SLC35F4: variants seen among roughly 807,000 people sequenced by gnomAD.
The protein encoded by SLC35F4 is chromosome 14 open reading frame 36.
SLC35F4 carries 24 observed loss-of-function variants against 44.2 expected under a neutral mutation model. The ratio of observed to expected loss-of-function variants is 0.54; its 90% CI spans 0.39 to 0.76. The LOEUF is 0.76. SLC35F4 is among the 30% of genes least tolerant of loss of function. The probability of loss-of-function intolerance (pLI) is 0.00; values close to 1 mark genes in which losing one functional copy is unlikely to be tolerated. For missense variants in SLC35F4, 562 were observed against 586.1 expected, an observed-to-expected ratio of 0.96 and a Z score of 0.42; for synonymous variants, 238 against 223.6, an observed-to-expected ratio of 1.06 and a Z score of -0.57.
chr14:57,862,047 G>A (rs568781640), intron 1 of SLC35F4, among the ~76,000 whole-genome samples: 14 of 152,074 alleles, frequency 9.2e-5, no homozygotes, highest in East Asian at 3.9e-4. Context: ...TCTCTAAAAC[G>A]TTATCCTTAT....
intron 1 of SLC35F4, among the ~76,000 whole-genome samples, chr14:57,841,572 C>G (rs1472241953): frequency 6.6e-6 from 1 of 152,166 alleles, no homozygotes; most frequent in African/African-American, 2.4e-5. Context: ...GATGGGCTAA[C>G]AGGGTACTGA....
chr14:57,590,078 T>C (rs2070062366), intron 2 of SLC35F4, among the ~76,000 whole-genome samples: 1 of 124,796 alleles, frequency 8.0e-6, no homozygotes, highest in South Asian at 2.9e-4. Context: ...TCCATTTTCC[T>C]TTTTTTTTTT....
intron 1 of SLC35F4, among the ~76,000 whole-genome samples, chr14:57,695,339 C>T (rs1269330838): frequency 6.6e-6 from 1 of 151,540 alleles, no homozygotes; most frequent in Non-Finnish European, 1.5e-5. Context: ...AAACAAACAA[C>T]CCCATCAAAA....
At chr14:57,663,150 C>CT (rs1438308402) in intron 1 of SLC35F4, among the ~76,000 whole-genome samples, 1 of 152,184 alleles carries the variant, frequency 6.6e-6, no homozygotes, top group Non-Finnish European at 1.5e-5. Context: ...TCAATTGCCC[C>CT]TTTGAGTGTG....
intron 1 of SLC35F4, among the ~76,000 whole-genome samples, chr14:57,723,627 C>T (rs1377320754): frequency 6.6e-6 from 1 of 152,250 alleles, no homozygotes; most frequent in Non-Finnish European, 1.5e-5. Flanking sequence ...ATTGACATGG[C>T]AAATGCCTTT....
chr14:57,733,486 A>AAG (rs2076394645), intron 1 of SLC35F4, among the ~76,000 whole-genome samples: 1 of 152,036 alleles, frequency 6.6e-6, no homozygotes, highest in African/African-American at 2.4e-5. Flanking sequence ...TAGCCAGAAA[A>AAG]AGCTTTTTTT....
At chr14:57,788,878 CATG>C (rs2077837228) in intron 1 of SLC35F4, among the ~76,000 whole-genome samples, 1 of 152,188 alleles carries the variant, frequency 6.6e-6, no homozygotes, top group South Asian at 2.1e-4. Context: ...CGCACAACTA[CATG>C]AAAACTAAAC....
At chr14:57,570,960 T>C (rs929960828) in intron 5 of SLC35F4, among the ~76,000 whole-genome samples, 1 of 152,174 alleles carries the variant, frequency 6.6e-6, no homozygotes, top group African/African-American at 2.4e-5. Flanking sequence ...GTAATGGCCA[T>C]TGAGTGAACA....
downstream of SLC35F4, among the ~76,000 whole-genome samples, chr14:57,973,534 G>A (rs374519104): frequency 7.2e-5 from 11 of 152,268 alleles, no homozygotes; most frequent in African/African-American, 2.6e-4. Flanking sequence ...TTCTTATAAG[G>A]AGCAGGAAGG....
Position 57,627,739 on chromosome 14 carries a change from C to T in SLC35F4, c.104-33615G>A, listed in dbSNP as rs114113325. ...TTCCCGCATTAAGTAAAAATGTTAT[C>T]AATTTATAAAACCTGATGTTTAAAC... On this transcript the variant is annotated intron_variant, in intron 1 of 7. Coordinates refer to ENST00000556826, the MANE Select transcript of SLC35F4 (RefSeq NM_001306087.2). 3.6e-3 allele frequency among the ~76,000 whole-genome samples: 551 copies of T among 152,070 alleles called. 3 individuals carry two copies. The highest frequency in any genetic ancestry group is 0.013 in the African/African-American group (539 of 41,526).
At chr14:57,779,451 A>T (rs1307773752) in intron 1 of SLC35F4, among the ~76,000 whole-genome samples, 1 of 152,170 alleles carries the variant, frequency 6.6e-6, no homozygotes, top group Non-Finnish European at 1.5e-5. Flanking sequence ...TGAATCCCTG[A>T]AAAGACCAAT....
chr14:57,611,954 C>T (rs970451888), intron 1 of SLC35F4, among the ~76,000 whole-genome samples: 3 of 152,138 alleles, frequency 2.0e-5, no homozygotes, highest in Non-Finnish European at 4.4e-5. Flanking sequence ...CAGTGCAGTC[C>T]CTAAGATCTT....
chr14:57,699,723 A>G (rs2075483810), intron 1 of SLC35F4, among the ~76,000 whole-genome samples: 1 of 152,234 alleles, frequency 6.6e-6, no homozygotes, highest in Non-Finnish European at 1.5e-5. Context: ...CTTATAGTAA[A>G]CAAGCCAACT....
At chr14:57,981,489 TC>T in intron 1 of SLC35F4, among the ~76,000 whole-genome samples, 1 of 152,288 alleles carries the variant, frequency 6.6e-6, no homozygotes, top group South Asian at 2.1e-4. Flanking sequence ...GGATGGGATT[TC>T]GTAGCCATGT....
chr14:57,601,031 A>T (rs1481336035), intron 1 of SLC35F4, among the ~76,000 whole-genome samples: 2 of 152,126 alleles, frequency 1.3e-5, no homozygotes, highest in Admixed American at 6.6e-5. Context: ...TCTCAGCACA[A>T]TTCCATCGTA....
At chr14:57,974,557 G>C (rs1381758184), downstream of SLC35F4, among the ~76,000 whole-genome samples, 6 of 152,134 alleles carry the variant, frequency 3.9e-5, no homozygotes, top group Non-Finnish European at 8.8e-5. Flanking sequence ...AGATCCAAGG[G>C]AAAGATAAAT....
rs530804013 is a variant in SLC35F4, at chr14:57,649,226, G to C, written c.104-55102C>G. On this transcript the variant is annotated intron_variant, in intron 1 of 7. Coordinates refer to ENST00000556826, the MANE Select transcript of SLC35F4 (RefSeq NM_001306087.2). ...ACTTTTCTATTAGTTTCCTCTTGCG[G>C]CTGTAACAAATTACCAAAACATAAT... Among the ~76,000 whole-genome samples, 4 of 152,260 alleles carry C rather than the reference G, an allele frequency of 2.6e-5. No homozygotes were observed. In the South Asian group the frequency reaches 8.3e-4, roughly 32 times the overall value.
chr14:57,594,022 T>A lies in SLC35F4; in HGVS notation c.206A>T (p.Asp69Val). 6.2e-7 allele frequency: 1 copy of A among 1,613,916 alleles called. No individual in the cohort carries two copies. The highest frequency in any genetic ancestry group is 8.5e-7 in the Non-Finnish European group (1 of 1,179,866). The change falls in exon 2 of 8, where the codon GAT becomes GTT. Residue 69 changes from aspartate (D) to valine (V), a missense_variant. Physicochemically the swap from Asp to Val is radical, Grantham distance 152 (BLOSUM62 -3). Coordinates refer to ENST00000556826, the MANE Select transcript of SLC35F4 (RefSeq NM_001306087.2). Reference protein sequence around the residue: ...RQLSPLSVTEDSSAPILELQN... With the variant: ...RQLSPLSVTEVSSAPILELQN... ...AAGTTCAAGAATAGGAGCAGAGGAATCTTCGGTGACAGACAGTGGGGACAG... is the reference window on the plus strand; with the variant it reads ...AAGTTCAAGAATAGGAGCAGAGGAAACTTCGGTGACAGACAGTGGGGACAG...
chr14:57,659,130 G>A (rs1195848731), intron 1 of SLC35F4, among the ~76,000 whole-genome samples: 4 of 152,144 alleles, frequency 2.6e-5, no homozygotes, highest in Non-Finnish European at 5.9e-5. Flanking sequence ...TCAGGCGTGG[G>A]ACTATTCCCC....
Sources: allele counts gnomAD v4.1 joint callset (sites outside exome capture counted in the v4.1 genomes callset), GRCh38; gene constraint gnomAD v4.1.1; transcripts MANE v1.5; gene names NCBI Gene and HGNC (gene_info 2026-07-23, HGNC 2026-07-21).